NPSR1: variants seen among roughly 807,000 people sequenced by gnomAD.
NPSR1 encodes the protein neuropeptide S receptor 1.
A neutral mutation model predicts 46.9 loss-of-function variants in NPSR1; 48 were observed. The ratio of observed to expected loss-of-function variants is 1.02; its 90% CI spans 0.81 to 1.30. The LOEUF (loss-of-function observed/expected upper bound fraction) is 1.30, where lower values mean the gene tolerates loss of function less well. NPSR1 is among the 50% of genes most tolerant of loss of function. NPSR1 has a pLI of 0.00. For missense variants in NPSR1, 450 were observed against 449.5 expected (o/e 1.00, Z -0.01); for synonymous variants, 176 against 168.1 (o/e 1.05, Z -0.36).
intron 2 of NPSR1, among the ~76,000 whole-genome samples, chr7:34,734,563 G>C (rs1340449443): frequency 4.6e-5 from 7 of 152,062 alleles, no homozygotes; most frequent in African/African-American, 1.7e-4. Context: ...ACTGGGAGTG[G>C]CAATCAGCAA....
At chr7:34,791,603 CTT>C (rs1414565613) in intron 3 of NPSR1, among the ~76,000 whole-genome samples, 1 of 151,804 alleles carries the variant, frequency 6.6e-6, no homozygotes, top group African/African-American at 2.4e-5. Flanking sequence ...AATATACAGA[CTT>C]AATACTTTAA....
rs534055335 is a variant in NPSR1, at chr7:34,835,896, G to C, written c.757+1436G>C. On this transcript the variant is annotated intron_variant, in intron 6 of 8. Coordinates refer to ENST00000360581, the MANE Select transcript of NPSR1 (RefSeq NM_207172.2). The stretch of plus-strand genomic sequence containing the variant: ...CAGACACCATTCCCTGAGAGATTCT[G>C]ATTCACTCCATCTGGAGTGGGGCAT... Among the ~76,000 whole-genome samples, 4 of 152,282 alleles carry C rather than the reference G, an allele frequency of 2.6e-5. No homozygotes were observed. The East Asian group carries it at 7.7e-4, about 29-fold the overall frequency.
intron 2 of NPSR1, among the ~76,000 whole-genome samples, chr7:34,703,284 T>C (rs1210925114): frequency 6.6e-6 from 1 of 152,158 alleles, no homozygotes; most frequent in African/African-American, 2.4e-5. Context: ...GGCGGGAGAA[T>C]GGCGTGAACC....
At chr7:34,706,029 G>A (rs1794088873) in intron 2 of NPSR1, among the ~76,000 whole-genome samples, 1 of 151,272 alleles carries the variant, frequency 6.6e-6, no homozygotes, top group Admixed American at 6.6e-5. Flanking sequence ...TGATTTAGAT[G>A]GGTATAGAAA....
intron 2 of NPSR1, among the ~76,000 whole-genome samples, chr7:34,705,585 G>A (rs1471186428): frequency 6.8e-6 from 1 of 146,098 alleles, no homozygotes; most frequent in Non-Finnish European, 1.5e-5. Context: ...ATGTATGTTT[G>A]TGTATGTATG....
chr7:34,827,261 G>A, intron 4 of NPSR1, 140 bp from the exon 5 acceptor site: 1 of 648,286 alleles, frequency 1.5e-6, no homozygotes, highest in Non-Finnish European at 2.7e-6. Context: ...CCTGTTTACA[G>A]AGAAGGAAAC....
chr7:34,873,862 G>A (rs190704404), intron 8 of NPSR1, among the ~76,000 whole-genome samples: 1,606 of 151,656 alleles, frequency 0.011, 75 homozygotes, highest in African/African-American at 0.038. Context: ...AAGACAAGAC[G>A]GCAGGAAGCA....
At chr7:34,731,103 C>T (rs1414702854) in intron 2 of NPSR1, among the ~76,000 whole-genome samples, 1 of 151,766 alleles carries the variant, frequency 6.6e-6, no homozygotes, top group Non-Finnish European at 1.5e-5. Context: ...ATAAAATTTA[C>T]AAAATTTAAA....
At chr7:34,764,301 T>C (rs1217166059) in intron 2 of NPSR1, among the ~76,000 whole-genome samples, 1 of 152,184 alleles carries the variant, frequency 6.6e-6, no homozygotes, top group Non-Finnish European at 1.5e-5. Flanking sequence ...AAATTTAAAA[T>C]AGAATGAGAA....
downstream of NPSR1, among the ~76,000 whole-genome samples, chr7:34,852,632 G>A (rs1035701716): frequency 3.9e-5 from 6 of 152,164 alleles, no homozygotes; most frequent in African/African-American, 1.4e-4. Flanking sequence ...CACTATGAAT[G>A]CAGAGAAATA....
Position 34,785,031 on chromosome 7 carries a change from G to A in NPSR1, c.384+6466G>A, listed in dbSNP as rs371326598. ...TTTGACCCAGCCATCCCATTACTGG[G>A]TATTTACCCAAAGGACTATAAATCA... is the stretch of plus-strand genomic sequence containing the variant. On this transcript the variant is annotated intron_variant, in intron 3 of 8. Transcript: ENST00000360581. 7.8e-4 allele frequency among the ~76,000 whole-genome samples: 118 copies of A among 152,108 alleles called. 1 individual carries two copies. In the East Asian group the frequency reaches 0.022, roughly 28 times the overall value.
chr7:34,813,244 C>T, intron 4 of NPSR1, among the ~76,000 whole-genome samples: 1 of 152,124 alleles, frequency 6.6e-6, no homozygotes, highest in East Asian at 1.9e-4. Context: ...TTATTGATTG[C>T]ATACTAGGTG....
chr7:34,776,840 C>T (rs534195603), intron 2 of NPSR1, among the ~76,000 whole-genome samples: 98 of 152,266 alleles, frequency 6.4e-4, no homozygotes, highest in African/African-American at 2.1e-3. Context: ...TGGCCTAGGG[C>T]ATGTCTAGAA....
At chr7:34,716,577 T>C (rs963893208) in intron 2 of NPSR1, among the ~76,000 whole-genome samples, 6 of 152,318 alleles carry the variant, frequency 3.9e-5, no homozygotes, top group African/African-American at 1.2e-4. Flanking sequence ...GAGGTTAGTA[T>C]GAAAATTACA....
At chr7:34,749,581 G>C (rs1785400073) in intron 2 of NPSR1, among the ~76,000 whole-genome samples, 1 of 152,192 alleles carries the variant, frequency 6.6e-6, no homozygotes, top group Non-Finnish European at 1.5e-5. Context: ...CTATATCATA[G>C]GCCAAGCCCA....
intron 2 of NPSR1, among the ~76,000 whole-genome samples, chr7:34,699,572 T>C (rs1450520422): frequency 6.6e-6 from 1 of 152,156 alleles, no homozygotes; most frequent in Non-Finnish European, 1.5e-5. Context: ...CAGCATGGTG[T>C]GGCTCTCTTC....
intron 2 of NPSR1, among the ~76,000 whole-genome samples, chr7:34,692,349 T>G (rs1357171422): frequency 6.6e-5 from 10 of 152,160 alleles, no homozygotes; most frequent in African/African-American, 2.4e-4. Flanking sequence ...TCATATCAAG[T>G]GTTTTCTTAA....
intron 1 of NPSR1, among the ~76,000 whole-genome samples, chr7:34,668,180 T>C (rs567734682): frequency 2.6e-4 from 39 of 152,222 alleles, no homozygotes; most frequent in African/African-American, 8.9e-4. Context: ...CATAAAGATA[T>C]TGAACGAAGG....
intron 2 of NPSR1, among the ~76,000 whole-genome samples, chr7:34,702,244 C>G (rs1333104889): frequency 6.6e-6 from 1 of 152,230 alleles, no homozygotes; most frequent in Non-Finnish European, 1.5e-5. Context: ...CTCATATCAG[C>G]TCTTTGTCCT....
Sources: allele counts gnomAD v4.1 joint callset (sites outside exome capture counted in the v4.1 genomes callset), GRCh38; gene constraint gnomAD v4.1.1; transcripts MANE v1.5; gene names NCBI Gene and HGNC (gene_info 2026-07-23, HGNC 2026-07-21).